Variants in PCDH15 observed in about 807,000 individuals in gnomAD.
The protein encoded by PCDH15 is protocadherin related 15.
A neutral mutation model predicts 178.5 loss-of-function variants in PCDH15; 129 were observed. That is an observed-to-expected ratio of 0.72 (90% CI 0.63 to 0.84). PCDH15 has a LOEUF of 0.84. PCDH15 is among the 40% of genes least tolerant of loss of function. The probability of loss-of-function intolerance (pLI) is 0.00; values close to 1 mark genes in which losing one functional copy is unlikely to be tolerated. For missense variants in PCDH15, 2,230 were observed against 2,099.9 expected (o/e 1.06, Z -1.21); for synonymous variants, 800 against 732.0 (o/e 1.09, Z -1.50).
intron 2 of PCDH15, among the ~76,000 whole-genome samples, chr10:55,558,372 G>C (rs1427080326): frequency 6.6e-6 from 1 of 152,080 alleles, no homozygotes; most frequent in African/African-American, 2.4e-5. Context: ...ATGGGTATGG[G>C]TTTGGTTTGC....
chr10:54,227,142 G>A (rs2053545146), intron 9 of PCDH15, among the ~76,000 whole-genome samples: 1 of 152,188 alleles, frequency 6.6e-6, no homozygotes, highest in Admixed American at 6.5e-5. Flanking sequence ...CCCCAGTAGG[G>A]ACTCAGTGTG....
At chr10:55,215,849 T>C (rs1443159395) in intron 1 of PCDH15, among the ~76,000 whole-genome samples, 1 of 151,980 alleles carries the variant, frequency 6.6e-6, no homozygotes, top group Non-Finnish European at 1.5e-5. Flanking sequence ...TGTTTTTCTG[T>C]GTCTCAGAGA....
intron 3 of PCDH15, among the ~76,000 whole-genome samples, chr10:54,457,203 T>C (rs372007686): frequency 6.6e-6 from 1 of 152,144 alleles, no homozygotes; most frequent in Non-Finnish European, 1.5e-5. Flanking sequence ...AAAGTATCTA[T>C]TGTAGATGAC....
At chr10:55,092,214 A>G (rs1316860850) in intron 2 of PCDH15, among the ~76,000 whole-genome samples, 1 of 151,900 alleles carries the variant, frequency 6.6e-6, no homozygotes, top group African/African-American at 2.4e-5. Flanking sequence ...TCAAAATCAG[A>G]TAACCTTCCC....
chr10:55,158,745 A>C (rs976638238), intron 2 of PCDH15, among the ~76,000 whole-genome samples: 2 of 151,984 alleles, frequency 1.3e-5, no homozygotes, highest in Non-Finnish European at 2.9e-5. Flanking sequence ...CAAACTGAGT[A>C]ACAGAAGCCA....
chr10:55,565,634 T>C (rs544083320), intron 2 of PCDH15, among the ~76,000 whole-genome samples: 1 of 151,668 alleles, frequency 6.6e-6, no homozygotes, highest in African/African-American at 2.4e-5. Context: ...CTCAAATTAC[T>C]ACAATGAGAA....
chr10:54,380,442 T>C (rs375499097), intron 3 of PCDH15, among the ~76,000 whole-genome samples: 1 of 151,454 alleles, frequency 6.6e-6, no homozygotes. Context: ...TACATACTAA[T>C]TTACAAATAC....
intron 8 of PCDH15, among the ~76,000 whole-genome samples, chr10:54,311,811 G>A (rs547260198): frequency 1.4e-4 from 22 of 152,130 alleles, no homozygotes; most frequent in Non-Finnish European, 3.1e-4. Context: ...TATAAAATCA[G>A]TGTATTTCTA....
In PCDH15 at chr10:54,345,084, T is replaced by G. The variant is rs144273495; in HGVS notation, c.594+1281A>C. Among the ~76,000 whole-genome samples, 58 of 151,536 alleles carry G rather than the reference T, an allele frequency of 3.8e-4. 1 individual carries two copies. In the East Asian group the frequency reaches 0.01, roughly 27 times the overall value. ...AGGAAGAGTATACTGAAACTGGATTTTACAGTTCAGAAGTAGTTTTCTAAT... is the reference window on the plus strand; with the variant it reads ...AGGAAGAGTATACTGAAACTGGATTGTACAGTTCAGAAGTAGTTTTCTAAT... On this transcript the variant is annotated intron_variant, in intron 6 of 37. Transcript: ENST00000644397.
intron 1 of PCDH15, among the ~76,000 whole-genome samples, chr10:54,785,836 A>G (rs1950818780): frequency 6.6e-6 from 1 of 151,894 alleles, no homozygotes; most frequent in Admixed American, 6.6e-5. Flanking sequence ...ATCCTCACTT[A>G]TATCTTCATC....
At chr10:55,232,328 A>T (rs1362730341) in intron 1 of PCDH15, among the ~76,000 whole-genome samples, 6 of 152,120 alleles carry the variant, frequency 3.9e-5, no homozygotes, top group Admixed American at 3.9e-4. Context: ...ACATTTAAAA[A>T]GTGAAAATTT....
intron 1 of PCDH15, among the ~76,000 whole-genome samples, chr10:55,219,011 T>C (rs1333663016): frequency 6.6e-6 from 1 of 152,068 alleles, no homozygotes; most frequent in African/African-American, 2.4e-5. Flanking sequence ...AATGAGTCTC[T>C]GGGAAGCAAC....
intron 1 of PCDH15, among the ~76,000 whole-genome samples, chr10:55,229,534 C>T (rs1214056181): frequency 6.6e-6 from 1 of 151,896 alleles, no homozygotes; most frequent in Non-Finnish European, 1.5e-5. Context: ...TTAACTCAAG[C>T]CACCTACTGT....
intron 2 of PCDH15, among the ~76,000 whole-genome samples, chr10:54,945,388 G>A (rs1317493372): frequency 6.6e-6 from 1 of 151,126 alleles, no homozygotes; most frequent in Non-Finnish European, 1.5e-5. Flanking sequence ...TAGATAGATA[G>A]ATAGATATAA....
At chr10:54,405,321 T>C (rs1952504773) in intron 3 of PCDH15, among the ~76,000 whole-genome samples, 1 of 152,040 alleles carries the variant, frequency 6.6e-6, no homozygotes, top group Non-Finnish European at 1.5e-5. Flanking sequence ...ATGCGGTACA[T>C]TCCATGTGTA....
intron 6 of PCDH15, among the ~76,000 whole-genome samples, chr10:54,334,293 G>A (rs529882565): frequency 6.6e-6 from 1 of 152,100 alleles, no homozygotes; most frequent in Non-Finnish European, 1.5e-5. Flanking sequence ...TGGGAAGCAG[G>A]GTAGGAGACA....
intron 2 of PCDH15, among the ~76,000 whole-genome samples, chr10:55,357,027 T>C (rs897033551): frequency 6.6e-6 from 1 of 151,906 alleles, no homozygotes; most frequent in South Asian, 2.1e-4. Flanking sequence ...ATGTTAAAGA[T>C]TAGAGAAAAT....
At chr10:55,511,035 T>G (rs775363225) in intron 2 of PCDH15, among the ~76,000 whole-genome samples, 83 of 141,116 alleles carry the variant, frequency 5.9e-4, no homozygotes, top group Non-Finnish European at 3.3e-4. Context: ...AATTTGTTTT[T>G]TTTGTTTGTT....
chr10:54,283,241 T>G (rs988103461), intron 8 of PCDH15, among the ~76,000 whole-genome samples: 10 of 152,152 alleles, frequency 6.6e-5, no homozygotes, highest in Non-Finnish European at 1.3e-4. Flanking sequence ...AGAGGAATAG[T>G]AGAAGGAGCA....
Sources: allele counts gnomAD v4.1 joint callset (sites outside exome capture counted in the v4.1 genomes callset), GRCh38; gene constraint gnomAD v4.1.1; transcripts MANE v1.5; gene names NCBI Gene and HGNC (gene_info 2026-07-23, HGNC 2026-07-21).